The following ALX1 variants were observed in gnomAD, a reference collection of about 807,000 sequenced individuals.
The protein encoded by ALX1 is ALX homeobox protein 1.
A neutral mutation model predicts 31.7 loss-of-function variants in ALX1; 19 were observed. That is an observed-to-expected ratio of 0.60 (90% CI 0.42 to 0.88). The LOEUF (loss-of-function observed/expected upper bound fraction) is 0.88, where lower values mean the gene tolerates loss of function less well. Ranked by LOEUF, ALX1 falls within the 40% of genes least tolerant of loss-of-function variation. The probability of loss-of-function intolerance (pLI) is 0.00; values close to 1 mark genes in which losing one functional copy is unlikely to be tolerated. For missense variants in ALX1, 415 were observed against 407.8 expected (o/e 1.02, Z -0.15); for synonymous variants, 153 against 148.8 (o/e 1.03, Z -0.20).
At chr12:85,282,956 CATGAAAT>C (rs1334256167) in intron 1 of ALX1, among the ~76,000 whole-genome samples, 3 of 150,676 alleles carry the variant, frequency 2.0e-5, no homozygotes, top group Non-Finnish European at 4.4e-5. Context: ...CAAAATTTGG[CATGAAAT>C]TTATTTTGTC....
chr12:85,287,286 A>G (rs1428607933), intron 3 of ALX1, among the ~76,000 whole-genome samples: 1 of 151,760 alleles, frequency 6.6e-6, no homozygotes, highest in Non-Finnish European at 1.5e-5. Context: ...CTACATTCTA[A>G]TTACTCAGAC....
At chr12:85,287,873 A>G (rs1896770212) in intron 3 of ALX1, among the ~76,000 whole-genome samples, 1 of 151,570 alleles carries the variant, frequency 6.6e-6, no homozygotes, top group Admixed American at 6.6e-5. Context: ...CCCATGTGAA[A>G]ACACATATGA....
chr12:85,292,999 T>C (rs1157830541), intron 3 of ALX1, among the ~76,000 whole-genome samples: 1 of 150,344 alleles, frequency 6.7e-6, no homozygotes, highest in African/African-American at 2.4e-5. Context: ...TTTACATCCA[T>C]GAAACAACCA....
In ALX1 at chr12:85,286,936, C is replaced by T; in HGVS notation, c.615C>T (p.Ala205=). The change falls in exon 3 of 4, where the codon GCC becomes GCT. Residue 205 remains alanine, a synonymous_variant. Transcript: ENST00000316824. ...AACAAGCGAAAAGCCATTTTGCTGC[C>T]ACCTATGATATATCAGTTTTGCCAA... ...QIQQAKSHFA[A]TYDISVLPRT... is the part of the protein sequence containing the mutation. 6.2e-7 allele frequency: 1 copy of T among 1,612,204 alleles called. No individual in the cohort carries two copies. The highest frequency in any genetic ancestry group is 8.5e-7 in the Non-Finnish European group (1 of 1,178,630).
chr12:85,293,566 C>A (rs1004472510), intron 3 of ALX1, among the ~76,000 whole-genome samples: 29 of 150,582 alleles, frequency 1.9e-4, no homozygotes, highest in African/African-American at 6.3e-4. Flanking sequence ...TAGGCCTGTT[C>A]TTTTGAAAAT....
chr12:85,286,592 C>T (rs1056786817), intron 2 of ALX1, among the ~76,000 whole-genome samples: 3 of 151,934 alleles, frequency 2.0e-5, no homozygotes, highest in Admixed American at 6.6e-5. Flanking sequence ...AATGAGAAAA[C>T]AGAGGCTCAG....
chr12:85,285,202 C>T (rs1216578365), intron 2 of ALX1, among the ~76,000 whole-genome samples: 2 of 151,944 alleles, frequency 1.3e-5, no homozygotes, highest in African/African-American at 2.4e-5. Context: ...CATCTTTTCC[C>T]CTTAACATTC....
intron 3 of ALX1, among the ~76,000 whole-genome samples, chr12:85,298,406 A>G (rs1896918211): frequency 6.6e-6 from 1 of 151,804 alleles, no homozygotes; most frequent in African/African-American, 2.4e-5. Context: ...GGTCTTGAGC[A>G]TCATCATCAA....
At position 85,286,918 on chromosome 12, in the gene ALX1, G is replaced by A. The variant is rs79907632; in HGVS notation, c.597G>A (p.Ala199=). The change falls in exon 3 of 4, where the codon GCG becomes GCA. Residue 199 remains alanine (A), a synonymous_variant. Coordinates refer to ENST00000316824, the MANE Select transcript of ALX1 (RefSeq NM_006982.3). ...KRERYGQIQQ[A]KSHFAATYDI... ...AACGTTATGGCCAAATACAACAAGC[G>A]AAAAGCCATTTTGCTGCCACCTATG... The A allele has an allele frequency of 6.2e-4, 1,000 of 1,612,180 alleles. 6 individuals are homozygous for A. In the African/African-American group the frequency reaches 8.5e-3, roughly 14 times the overall value.
Position 85,286,835 on chromosome 12 carries a change from T to G in ALX1, c.532-18T>G. 6.4e-7 allele frequency: 1 copy of G among 1,559,268 alleles called. No individual in the cohort carries two copies. Among genetic ancestry groups the G allele is most frequent in the Non-Finnish European group, 8.7e-7 (1 of 1,148,106 alleles). On this transcript the variant is annotated intron_variant, in intron 2 of 3. Transcript: ENST00000316824. ...AAATATTCCTTAGCTAAAATTCTAA[T>G]TTTTATTAAATAATTAGGTTTGGTT... is the stretch of plus-strand genomic sequence containing the variant.
intron 3 of ALX1, among the ~76,000 whole-genome samples, chr12:85,299,772 G>T (rs933391724): frequency 2.0e-5 from 3 of 151,782 alleles, no homozygotes; most frequent in African/African-American, 4.8e-5. Flanking sequence ...TTGAAAATTA[G>T]TTGCCATAGA....
At chr12:85,287,068 G>A (rs1483952697) in intron 3 of ALX1, 87 bp downstream of exon 3, 13 of 1,428,378 alleles carry the variant, frequency 9.1e-6, no homozygotes, top group African/African-American at 1.4e-5. Context: ...TTTATTATAT[G>A]TAAGATAATA....
chr12:85,281,350 C>A (rs1005679624), intron 1 of ALX1, among the ~76,000 whole-genome samples: 1 of 152,168 alleles, frequency 6.6e-6, no homozygotes, highest in African/African-American at 2.4e-5. Context: ...CTAATACTAA[C>A]CTATTATTTC....
Position 85,286,290 on chromosome 12 carries a change from C to G in ALX1, c.532-563C>G, listed in dbSNP as rs1376982028. On this transcript the variant is annotated intron_variant, in intron 2 of 3. Coordinates refer to ENST00000316824, the MANE Select transcript of ALX1 (RefSeq NM_006982.3). The stretch of plus-strand genomic sequence containing the variant: ...TCATTTTTTCCTATTTCTAGATAAT[C>G]ATGATGTTCCTGCTGCTGCCATATA... Among the ~76,000 whole-genome samples the G allele has an allele frequency of 3.3e-5, 5 of 151,808 alleles. No individual in the cohort carries two copies. In the East Asian group the frequency reaches 9.6e-4, roughly 29 times the overall value.
chr12:85,286,087 C>T (rs1048383629), intron 2 of ALX1, among the ~76,000 whole-genome samples: 13 of 151,854 alleles, frequency 8.6e-5, no homozygotes, highest in African/African-American at 2.7e-4. Flanking sequence ...TATATTATTT[C>T]CATTACCTGT....
intron 1 of ALX1, among the ~76,000 whole-genome samples, chr12:85,282,119 C>T (rs1037225278): frequency 6.6e-6 from 1 of 152,030 alleles, no homozygotes; most frequent in South Asian, 2.1e-4. Flanking sequence ...TCCCTAATTG[C>T]TGCAGTTCCC....
chr12:85,287,845 G>C (rs1308786104), intron 3 of ALX1, among the ~76,000 whole-genome samples: 5 of 151,306 alleles, frequency 3.3e-5, no homozygotes, highest in Admixed American at 3.3e-4. Context: ...ATTATTTAAT[G>C]ATATGCATTA....
At chr12:85,283,498 A>G in intron 1 of ALX1, 74 bp from the exon 2 acceptor site, 2 of 1,484,982 alleles carry the variant, frequency 1.3e-6, no homozygotes, top group Non-Finnish European at 1.9e-6. Flanking sequence ...ACTCTCAATT[A>G]CTTCTACTTA....
intron 2 of ALX1, 95 bp from the exon 3 acceptor site, chr12:85,286,758 A>C: frequency 8.5e-7 from 1 of 1,172,552 alleles, no homozygotes; most frequent in Non-Finnish European, 1.2e-6. Context: ...AATTTTTTTA[A>C]CCTGGTTTAC....
Sources: allele counts gnomAD v4.1 joint callset (sites outside exome capture counted in the v4.1 genomes callset), GRCh38; gene constraint gnomAD v4.1.1; transcripts MANE v1.5; gene names NCBI Gene and HGNC (gene_info 2026-07-23, HGNC 2026-07-21).